GALNT17: variants seen among roughly 807,000 people sequenced by gnomAD.
GALNT17 encodes polypeptide N-acetylgalactosaminyltransferase 17.
In GALNT17, 29 loss-of-function variants were observed where a neutral mutation model predicts 63.7. That is an observed-to-expected ratio of 0.46 (90% CI 0.34 to 0.62). GALNT17 has a LOEUF of 0.62. GALNT17 is among the 20% of genes least tolerant of loss of function. GALNT17 has a pLI of 0.01. For missense variants in GALNT17, 603 were observed against 799.6 expected (o/e 0.75, Z 2.97); for synonymous variants, 305 against 318.3 (o/e 0.96, Z 0.45).
chr7:71,248,186 CAGAG>C (rs370303210), intron 1 of GALNT17, among the ~76,000 whole-genome samples: 7 of 151,480 alleles, frequency 4.6e-5, no homozygotes, highest in African/African-American at 9.7e-5. Flanking sequence ...GCAGAAAAGA[CAGAG>C]AGAGAGAGAG....
chr7:71,459,220 G>T (rs1787409777), intron 5 of GALNT17, among the ~76,000 whole-genome samples: 3 of 152,056 alleles, frequency 2.0e-5, no homozygotes. Context: ...CTACCACATG[G>T]GCAGATAACA....
intron 6 of GALNT17, among the ~76,000 whole-genome samples, chr7:71,643,750 C>G (rs1004314533): frequency 6.6e-6 from 1 of 152,108 alleles, no homozygotes; most frequent in Admixed American, 6.6e-5. Flanking sequence ...CAAACAGACC[C>G]CAGGCCTAGA....
At chr7:71,618,597 T>A (rs1488798900) in intron 6 of GALNT17, among the ~76,000 whole-genome samples, 1 of 152,192 alleles carries the variant, frequency 6.6e-6, no homozygotes, top group Non-Finnish European at 1.5e-5. Context: ...GTTTGTTGGC[T>A]CACTTATATG....
At chr7:71,141,703 G>A (rs149508774) in intron 1 of GALNT17, among the ~76,000 whole-genome samples, 3,742 of 145,178 alleles carry the variant, frequency 0.026, 99 homozygotes, top group Non-Finnish European at 0.034. Flanking sequence ...TTGAAACAGA[G>A]TCTCGCTCTG....
At chr7:71,174,584 T>C (rs554847870) in intron 1 of GALNT17, among the ~76,000 whole-genome samples, 20 of 152,262 alleles carry the variant, frequency 1.3e-4, no homozygotes, top group Admixed American at 2.6e-4. Flanking sequence ...TTAATTCTTA[T>C]AGGTTTCGGG....
intron 1 of GALNT17, among the ~76,000 whole-genome samples, chr7:71,319,114 C>T (rs1340443317): frequency 6.6e-6 from 1 of 151,454 alleles, no homozygotes; most frequent in African/African-American, 2.4e-5. Flanking sequence ...TTCTTTCTTT[C>T]TTTCTTTCTT....
At chr7:71,500,869 C>T (rs984705607) in intron 5 of GALNT17, among the ~76,000 whole-genome samples, 1 of 152,182 alleles carries the variant, frequency 6.6e-6, no homozygotes, top group Non-Finnish European at 1.5e-5. Flanking sequence ...AACCCCTGTC[C>T]TCTCTTCTCC....
At chr7:71,696,635 T>TGGGTTAATA (rs1791549907) in intron 9 of GALNT17, among the ~76,000 whole-genome samples, 1 of 152,188 alleles carries the variant, frequency 6.6e-6, no homozygotes, top group Non-Finnish European at 1.5e-5. Context: ...CTGTTAAATT[T>TGGGTTAATA]GGGTTAATAG....
At chr7:71,322,461 A>G (rs191284571) in intron 1 of GALNT17, among the ~76,000 whole-genome samples, 132 of 152,280 alleles carry the variant, frequency 8.7e-4, no homozygotes, top group African/African-American at 2.9e-3. Context: ...GGAACTACAA[A>G]TGCTACATGA....
rs111595078 is a variant in GALNT17, at chr7:71,679,768, C to T, written c.1500+2462C>T. Among the ~76,000 whole-genome samples the T allele has an allele frequency of 5.9e-3, 904 of 152,096 alleles. 14 individuals carry two copies. The highest frequency in any genetic ancestry group is 0.02 in the African/African-American group (845 of 41,478). On this transcript the variant is annotated intron_variant, in intron 9 of 10. Coordinates refer to ENST00000333538, the MANE Select transcript of GALNT17 (RefSeq NM_022479.3). ...TGCACGCTGCAGTGGGCAGCAGAAT[C>T]GTCCCCAAGGCTGCGACAACACCAG... is the stretch of plus-strand genomic sequence containing the variant.
chr7:71,322,380 C>T (rs557606580), intron 1 of GALNT17, among the ~76,000 whole-genome samples: 6 of 152,138 alleles, frequency 3.9e-5, no homozygotes, highest in Non-Finnish European at 8.8e-5. Flanking sequence ...TGAATAAAAC[C>T]GCAGTTTGAA....
At chr7:71,566,259 G>C (rs1490802479) in intron 5 of GALNT17, among the ~76,000 whole-genome samples, 1 of 152,126 alleles carries the variant, frequency 6.6e-6, no homozygotes, top group East Asian at 1.9e-4. Flanking sequence ...CAACTTTTCT[G>C]CACACAGGGC....
chr7:71,601,176 A>G (rs562787036), intron 6 of GALNT17, among the ~76,000 whole-genome samples: 1 of 151,256 alleles, frequency 6.6e-6, no homozygotes, highest in East Asian at 1.9e-4. Context: ...TTCTTTATCC[A>G]CTCGTTGATT....
chr7:71,144,482 G>A (rs1180681469), intron 1 of GALNT17, among the ~76,000 whole-genome samples: 3 of 152,152 alleles, frequency 2.0e-5, no homozygotes, highest in Non-Finnish European at 4.4e-5. Flanking sequence ...GATGCTAAGA[G>A]TACAAGAGGT....
intron 1 of GALNT17, among the ~76,000 whole-genome samples, chr7:71,166,324 G>T (rs1412923073): frequency 2.0e-5 from 3 of 152,166 alleles, no homozygotes; most frequent in Non-Finnish European, 2.9e-5. Flanking sequence ...TGGGCTTTAA[G>T]TTTTATTTTA....
intron 1 of GALNT17, among the ~76,000 whole-genome samples, chr7:71,278,744 C>T (rs1790726616): frequency 6.6e-6 from 1 of 152,060 alleles, no homozygotes; most frequent in Admixed American, 6.6e-5. Context: ...CTCATGAGAA[C>T]TCACTATCAT....
chr7:71,444,244 C>T (rs1355241557), intron 5 of GALNT17, among the ~76,000 whole-genome samples: 1 of 152,218 alleles, frequency 6.6e-6, no homozygotes, highest in Admixed American at 6.5e-5. Flanking sequence ...GCCTTGGCCA[C>T]ATTCCCCTAC....
At chr7:71,461,135 A>G (rs1407182298) in intron 5 of GALNT17, among the ~76,000 whole-genome samples, 1 of 152,180 alleles carries the variant, frequency 6.6e-6, no homozygotes, top group Non-Finnish European at 1.5e-5. Flanking sequence ...AGACTTTCTC[A>G]TGCTTTTGAT....
intron 1 of GALNT17, among the ~76,000 whole-genome samples, chr7:71,137,794 A>C (rs897908188): frequency 3.3e-5 from 5 of 152,174 alleles, no homozygotes; most frequent in Non-Finnish European, 7.3e-5. Flanking sequence ...GTTTTCGTTA[A>C]ATGTATGATT....
Sources: allele counts gnomAD v4.1 joint callset (sites outside exome capture counted in the v4.1 genomes callset), GRCh38; gene constraint gnomAD v4.1.1; transcripts MANE v1.5; gene names NCBI Gene and HGNC (gene_info 2026-07-23, HGNC 2026-07-21).